Variants in AOPEP observed in about 807,000 individuals in gnomAD.
The protein encoded by AOPEP is aminopeptidase O (putative).
Under a neutral mutation model 98.1 loss-of-function variants are expected in AOPEP, and 77 were observed. The observed-to-expected ratio is 0.78, with a 90% CI of 0.65 to 0.95. The LOEUF (loss-of-function observed/expected upper bound fraction) is 0.95. Ranked by LOEUF, AOPEP falls within the 40% of genes least tolerant of loss-of-function variation. The pLI is 0.00. For missense variants in AOPEP, 1,024 were observed against 1,024.7 expected, an observed-to-expected ratio of 1.00 and a Z score of 0.01; for synonymous variants, 346 against 365.3, an observed-to-expected ratio of 0.95 and a Z score of 0.60.
chr9:95,040,511 T>C (rs2065195211), intron 13 of AOPEP, among the ~76,000 whole-genome samples: 1 of 152,230 alleles, frequency 6.6e-6, no homozygotes, highest in Non-Finnish European at 1.5e-5. Flanking sequence ...CCAGGCCATG[T>C]GCATTTCCCC....
intron 3 of AOPEP, among the ~76,000 whole-genome samples, chr9:94,780,771 G>A (rs963027858): frequency 4.1e-4 from 62 of 152,278 alleles, no homozygotes; most frequent in African/African-American, 1.4e-3. Context: ...CCTTTAAAAC[G>A]ATGAGCTATC....
chr9:94,832,756 G>T lies in AOPEP; in HGVS notation c.1364+31754G>T, dbSNP rs1856271383. 2.0e-5 allele frequency among the ~76,000 whole-genome samples: 3 copies of T among 151,854 alleles called. No individual in the cohort carries two copies. The South Asian group carries it at 6.2e-4, about 32-fold the overall frequency. On this transcript the variant is annotated intron_variant, in intron 5 of 16. Coordinates refer to ENST00000375315, the MANE Select transcript of AOPEP (RefSeq NM_001193329.3). Reference sequence around the variant, plus strand: ...CTTGTTAAGTAAAAAGAGCAAGGTGGAGTTTATTCAATATGTTAAATGTCA... The same window carrying T: ...CTTGTTAAGTAAAAAGAGCAAGGTGTAGTTTATTCAATATGTTAAATGTCA...
chr9:95,112,602 G>T, the AOPEP span, among the ~76,000 whole-genome samples: 1 of 152,252 alleles, frequency 6.6e-6, no homozygotes, highest in Non-Finnish European at 1.5e-5. Flanking sequence ...ACCAGAGTGA[G>T]GAGGGGACTC....
At chr9:95,055,599 C>T (rs193063854) in intron 13 of AOPEP, among the ~76,000 whole-genome samples, 1 of 152,270 alleles carries the variant, frequency 6.6e-6, no homozygotes, top group Admixed American at 6.5e-5. Context: ...TGTTTCCTCC[C>T]ATTCCTGTGG....
chr9:94,919,955 A>G (rs1162863716), intron 5 of AOPEP, among the ~76,000 whole-genome samples: 1 of 152,186 alleles, frequency 6.6e-6, no homozygotes, highest in African/African-American at 2.4e-5. Context: ...AGCTTGATAA[A>G]TGTAAGTCTG....
chr9:94,907,001 C>T (rs1286165189), intron 5 of AOPEP, among the ~76,000 whole-genome samples: 1 of 152,162 alleles, frequency 6.6e-6, no homozygotes, highest in Non-Finnish European at 1.5e-5. Context: ...CGAGTTTTGG[C>T]TCTGCTGCAT....
the AOPEP span, among the ~76,000 whole-genome samples, chr9:95,134,816 G>A: frequency 4.6e-5 from 7 of 152,224 alleles, no homozygotes; most frequent in Admixed American, 1.3e-4. Context: ...GCACAGTCCT[G>A]AGCGGGAAGG....
intron 1 of AOPEP, among the ~76,000 whole-genome samples, chr9:94,750,054 G>C (rs902239877): frequency 1.3e-5 from 2 of 152,144 alleles, no homozygotes; most frequent in Non-Finnish European, 2.9e-5. Flanking sequence ...CTTTGCCTTT[G>C]CTGCTGTGGA....
chr9:94,767,155 A>G (rs540288088), intron 2 of AOPEP, among the ~76,000 whole-genome samples: 1 of 152,244 alleles, frequency 6.6e-6, no homozygotes, highest in East Asian at 1.9e-4. Context: ...TTTCTTCAAG[A>G]AACCAATGCA....
Position 95,014,559 on chromosome 9 carries a change from T to C in AOPEP, c.2115+8943T>C, listed in dbSNP as rs73657029. Among the ~76,000 whole-genome samples, 477 of 152,176 alleles carry C rather than the reference T, an allele frequency of 3.1e-3. 1 individual carries two copies. The highest frequency in any genetic ancestry group is 0.011 in the African/African-American group (463 of 41,520). ...TGATGTTCTGTCTGTGAAAAGTAAA[T>C]AGTGGCTACCCAGTGAGTCTTCTAT... On this transcript the variant is annotated intron_variant, in intron 13 of 16. Transcript: ENST00000375315.
At chr9:94,859,569 T>G (rs1245992329) in intron 5 of AOPEP, among the ~76,000 whole-genome samples, 1 of 152,222 alleles carries the variant, frequency 6.6e-6, no homozygotes, top group African/African-American at 2.4e-5. Flanking sequence ...GTTCCAGGAA[T>G]TAGGATATGA....
the AOPEP span, among the ~76,000 whole-genome samples, chr9:95,108,779 CTT>C: frequency 1.3e-5 from 2 of 152,162 alleles, no homozygotes; most frequent in Non-Finnish European, 2.9e-5. Context: ...TTATATACTT[CTT>C]GTCTTTTTTC....
chr9:95,015,068 G>A (rs1299697496), intron 13 of AOPEP, among the ~76,000 whole-genome samples: 1 of 152,138 alleles, frequency 6.6e-6, no homozygotes, highest in Non-Finnish European at 1.5e-5. Flanking sequence ...AAAGACATGA[G>A]TATATGATGC....
chr9:95,106,859 G>A, the AOPEP span, among the ~76,000 whole-genome samples: 1 of 152,172 alleles, frequency 6.6e-6, no homozygotes, highest in Non-Finnish European at 1.5e-5. Flanking sequence ...CTGTCTCTGA[G>A]CCTCTGTTTT....
At chr9:94,770,266 T>C (rs1026711852) in intron 2 of AOPEP, among the ~76,000 whole-genome samples, 1 of 152,198 alleles carries the variant, frequency 6.6e-6, no homozygotes, top group Non-Finnish European at 1.5e-5. Context: ...ATCCATCTTA[T>C]CACTTGAGCC....
rs369474407 is a variant in AOPEP at position 95,050,992 on chromosome 9, C to T, written c.2116-9702C>T. Among the ~76,000 whole-genome samples, 10 of 152,020 alleles carry T rather than the reference C, an allele frequency of 6.6e-5. No individual in the cohort carries two copies. In the South Asian group the frequency reaches 1.7e-3, roughly 25 times the overall value. On this transcript the variant is annotated intron_variant, in intron 13 of 16. Transcript: ENST00000375315. ...TGAATCACTTGCCTCACCTGAGGATCGGAGTGGTTGACTTGGTTTCTCTGT... is the reference window on the plus strand; with the variant it reads ...TGAATCACTTGCCTCACCTGAGGATTGGAGTGGTTGACTTGGTTTCTCTGT...
chr9:94,737,763 T>A (rs1169264457), intron 1 of AOPEP, among the ~76,000 whole-genome samples: 1 of 152,106 alleles, frequency 6.6e-6, no homozygotes. Flanking sequence ...TGCTTAAGAG[T>A]GAGGGAGAAG....
intron 2 of AOPEP, chr9:94,763,051 A>C (rs1440580620): frequency 2.6e-6 from 1 of 388,538 alleles, no homozygotes; most frequent in African/African-American, 2.2e-5. Context: ...TTGTTCCTGA[A>C]TTGCAGAATA....
At chr9:94,809,785 A>G (rs1850069909) in intron 5 of AOPEP, among the ~76,000 whole-genome samples, 1 of 152,258 alleles carries the variant, frequency 6.6e-6, no homozygotes, top group African/African-American at 2.4e-5. Context: ...CAAAATAGAA[A>G]ATGTAAAAGG....
Sources: allele counts gnomAD v4.1 joint callset (sites outside exome capture counted in the v4.1 genomes callset), GRCh38; gene constraint gnomAD v4.1.1; transcripts MANE v1.5; gene names NCBI Gene and HGNC (gene_info 2026-07-23, HGNC 2026-07-21).